The following COL24A1 variants were observed in gnomAD, a reference collection of about 807,000 sequenced individuals.
The protein encoded by COL24A1 is collagen alpha-1(XXIV) chain.
A neutral mutation model predicts 253.9 loss-of-function variants in COL24A1; 224 were observed. The observed-to-expected ratio is 0.88, with a 90% CI of 0.79 to 0.99. The LOEUF (loss-of-function observed/expected upper bound fraction) is 0.99. COL24A1 is among the 50% of genes least tolerant of loss of function. The probability of loss-of-function intolerance (pLI) is 0.00; values close to 1 mark genes in which losing one functional copy is unlikely to be tolerated. For missense variants in COL24A1, 2,131 were observed against 2,068.5 expected (o/e 1.03, Z -0.59); for synonymous variants, 685 against 673.7 (o/e 1.02, Z -0.26).
chr1:85,843,952 G>A (rs1462236414), intron 39 of COL24A1, among the ~76,000 whole-genome samples: 1 of 151,836 alleles, frequency 6.6e-6, no homozygotes, highest in African/African-American at 2.4e-5. Context: ...AAAATAAGTG[G>A]GGAGAAAATG....
chr1:85,933,106 GAAAGA>G (rs1687933971), intron 24 of COL24A1, among the ~76,000 whole-genome samples: 3 of 60,950 alleles, frequency 4.9e-5, no homozygotes, highest in South Asian at 5.6e-4. Context: ...AAAAAAGAAA[GAAAGA>G]AAAAAAAAAG....
Position 85,875,298 on chromosome 1 carries a change from C to T in COL24A1, c.3063G>A (p.Leu1021=). Residue 1021 remains leucine, a synonymous_variant, in exon 34 of 60, where the codon CTG becomes CTA. Transcript: ENST00000370571. ...GPPGTEGESG[L]QGEPGAKGDV... is the part of the protein sequence containing the mutation. The stretch of plus-strand genomic sequence containing the variant: ...TTACCTTTGCACCTGGTTCACCTTG[C>T]AGACCAGACTCTCCCTCAGTGCCTG... 1 of 1,613,824 alleles carries T rather than the reference C, an allele frequency of 6.2e-7. No homozygotes were observed. The highest frequency in any genetic ancestry group is 2.2e-5 in the East Asian group (1 of 44,862).
Position 85,734,905 on chromosome 1 carries a change from G to A in COL24A1, c.4842C>T (p.Ala1614=), listed in dbSNP as rs1663887325. Residue 1614 remains alanine (A), a synonymous_variant, in exon 59 of 60, where the codon GCC becomes GCT. Coordinates refer to ENST00000370571, the MANE Select transcript of COL24A1 (RefSeq NM_152890.7). ...GACAGTGAATGGTGATGATATGGGT[G>A]GCTTCCGAACTCAGTAAATGAAGGA... ...MNFLHLLSSE[A]THIITIHCLN... The A allele has an allele frequency of 1.2e-6, 2 of 1,614,164 alleles. No individual in the cohort carries two copies. The highest frequency in any genetic ancestry group is 1.7e-5 in the Admixed American group (1 of 60,008).
intron 19 of COL24A1, among the ~76,000 whole-genome samples, chr1:85,995,676 T>A (rs1169869341): frequency 6.6e-6 from 1 of 152,134 alleles, no homozygotes; most frequent in Admixed American, 6.5e-5. Context: ...CTGATTTTGT[T>A]CATTGATATG....
intron 24 of COL24A1, among the ~76,000 whole-genome samples, chr1:85,949,370 C>T (rs1689675625): frequency 6.6e-6 from 1 of 151,936 alleles, no homozygotes; most frequent in Non-Finnish European, 1.5e-5. Flanking sequence ...TCAAATTTAA[C>T]AAGAGATAAA....
intron 19 of COL24A1, among the ~76,000 whole-genome samples, chr1:85,991,468 T>C (rs975368791): frequency 2.0e-5 from 3 of 152,220 alleles, no homozygotes; most frequent in African/African-American, 7.2e-5. Context: ...TGTGGTTTCA[T>C]GGGGCACATA....
intron 39 of COL24A1, among the ~76,000 whole-genome samples, chr1:85,845,479 G>T (rs774310373): frequency 6.6e-6 from 1 of 151,868 alleles, no homozygotes; most frequent in Non-Finnish European, 1.5e-5. Context: ...ATAAGCATTA[G>T]AAGCATTTTC....
At chr1:86,000,676 C>T (rs1391286984) in intron 19 of COL24A1, among the ~76,000 whole-genome samples, 3 of 152,160 alleles carry the variant, frequency 2.0e-5, no homozygotes. Context: ...TTGAAACTCA[C>T]TTCAGTCTTT....
chr1:85,844,896 G>A, intron 39 of COL24A1, among the ~76,000 whole-genome samples: 1 of 151,822 alleles, frequency 6.6e-6, no homozygotes, highest in South Asian at 2.1e-4. Flanking sequence ...CAATATCTAT[G>A]TTCCATACTG....
intron 19 of COL24A1, among the ~76,000 whole-genome samples, chr1:86,014,276 T>C (rs1696797498): frequency 6.6e-6 from 1 of 152,310 alleles, no homozygotes; most frequent in Non-Finnish European, 1.5e-5. Context: ...AAGGAATGTA[T>C]TTTTCAGTTA....
At chr1:86,084,294 A>AT (rs1179671326) in intron 7 of COL24A1, among the ~76,000 whole-genome samples, 5 of 152,210 alleles carry the variant, frequency 3.3e-5, no homozygotes, top group Non-Finnish European at 7.3e-5. Flanking sequence ...GATTTTAATT[A>AT]TTTTTCTAAA....
intron 28 of COL24A1, among the ~76,000 whole-genome samples, chr1:85,906,732 T>C (rs1344720021): frequency 1.3e-5 from 2 of 151,996 alleles, no homozygotes; most frequent in Non-Finnish European, 2.9e-5. Flanking sequence ...TCTGTATACA[T>C]GATTATTAGA....
chr1:86,136,505 C>CA (rs1300569467), intron 2 of COL24A1, among the ~76,000 whole-genome samples: 1 of 151,812 alleles, frequency 6.6e-6, no homozygotes, highest in Non-Finnish European at 1.5e-5. Context: ...TATCCAAGGC[C>CA]AAAAATGGGA....
intron 50 of COL24A1, 138 bp from the exon 51 acceptor site, chr1:85,783,696 G>A (rs1669370015): frequency 1.3e-6 from 1 of 746,142 alleles, no homozygotes; most frequent in Non-Finnish European, 2.2e-6. Flanking sequence ...AATTCAGAAG[G>A]AAGTGTACTG....
intron 24 of COL24A1, among the ~76,000 whole-genome samples, chr1:85,944,604 T>G (rs1021460531): frequency 6.8e-6 from 1 of 146,022 alleles, no homozygotes; most frequent in Non-Finnish European, 1.5e-5. Context: ...CTTTTTTTTT[T>G]ATTATTATTA....
intron 3 of COL24A1, among the ~76,000 whole-genome samples, chr1:86,123,428 T>G (rs1284441896): frequency 1.3e-5 from 2 of 152,044 alleles, no homozygotes; most frequent in Non-Finnish European, 2.9e-5. Flanking sequence ...CAAGATATAT[T>G]AAATAGTTAT....
intron 24 of COL24A1, among the ~76,000 whole-genome samples, chr1:85,954,738 T>C (rs987752455): frequency 2.0e-5 from 3 of 152,114 alleles, no homozygotes; most frequent in African/African-American, 7.2e-5. Flanking sequence ...CCCTATTACA[T>C]AGAAGGTATA....
chr1:86,010,932 C>T (rs1048861184), intron 19 of COL24A1, among the ~76,000 whole-genome samples: 16 of 152,138 alleles, frequency 1.1e-4, no homozygotes, highest in Non-Finnish European at 2.1e-4. Context: ...TACACACATA[C>T]ACAACTCACA....
At chr1:85,849,835 G>A (rs1253128028) in intron 37 of COL24A1, among the ~76,000 whole-genome samples, 1 of 152,162 alleles carries the variant, frequency 6.6e-6, no homozygotes, top group African/African-American at 2.4e-5. Context: ...GCATCTTGTG[G>A]AAAGTACAGG....
Sources: allele counts gnomAD v4.1 joint callset (sites outside exome capture counted in the v4.1 genomes callset), GRCh38; gene constraint gnomAD v4.1.1; transcripts MANE v1.5; gene names NCBI Gene and HGNC (gene_info 2026-07-23, HGNC 2026-07-21).